The following SPTLC3 variants were observed in gnomAD, a reference collection of about 807,000 sequenced individuals.
The protein encoded by SPTLC3 is serine palmitoyltransferase long chain base subunit 3.
A neutral mutation model predicts 59.3 loss-of-function variants in SPTLC3; 36 were observed. That is an observed-to-expected ratio of 0.61 (90% CI 0.47 to 0.80). SPTLC3 has a LOEUF of 0.80. SPTLC3 is among the 30% of genes least tolerant of loss of function. SPTLC3 has a pLI of 0.00. For synonymous variants in SPTLC3, 257 were observed against 240.8 expected (o/e 1.07, Z -0.62); for missense variants, 625 against 685.1 (o/e 0.91, Z 0.98).
At chr20:13,093,655 C>T in intron 6 of SPTLC3, 78 bp downstream of exon 6, 1 of 1,351,928 alleles carries the variant, frequency 7.4e-7, no homozygotes, top group East Asian at 2.3e-5. Context: ...AGGCTTTGTT[C>T]TGCTCTTCAA....
intron 10 of SPTLC3, among the ~76,000 whole-genome samples, chr20:13,158,495 T>C (rs373738049): frequency 1.3e-4 from 20 of 152,248 alleles, no homozygotes; most frequent in African/African-American, 4.8e-4. Context: ...TCCTGAAAAC[T>C]GGCCTGAGAT....
intron 2 of SPTLC3, among the ~76,000 whole-genome samples, chr20:13,055,996 G>A (rs2122519363): frequency 6.6e-6 from 1 of 152,234 alleles, no homozygotes; most frequent in South Asian, 2.1e-4. Flanking sequence ...CAGGGATCTT[G>A]GTGGAGGAAG....
chr20:13,127,474 C>A (rs955661545), intron 9 of SPTLC3, among the ~76,000 whole-genome samples: 1 of 152,222 alleles, frequency 6.6e-6, no homozygotes, highest in Admixed American at 6.5e-5. Context: ...CACCTCCCAG[C>A]TGACCTGAAG....
intron 1 of SPTLC3, among the ~76,000 whole-genome samples, chr20:13,032,885 C>A (rs920986821): frequency 5.3e-5 from 8 of 152,096 alleles, no homozygotes; most frequent in African/African-American, 1.9e-4. Flanking sequence ...TATGAACTGA[C>A]CTGATTAATC....
intron 4 of SPTLC3, among the ~76,000 whole-genome samples, chr20:13,090,375 A>G: frequency 6.6e-6 from 1 of 152,206 alleles, no homozygotes; most frequent in Non-Finnish European, 1.5e-5. Flanking sequence ...TATCTAGTAC[A>G]TTCCAAAGGT....
At position 13,074,422 on chromosome 20, in the gene SPTLC3, G is replaced by C. The variant is rs2122575754; in HGVS notation, c.532G>C (p.Asp178His). 6.2e-7 allele frequency: 1 copy of C among 1,614,114 alleles called. No individual in the cohort carries two copies. The highest frequency in any genetic ancestry group is 1.6e-4 in the Middle Eastern group (1 of 6,062). Residue 178 changes from aspartate to histidine, a missense_variant, in exon 4 of 12, where the codon GAT becomes CAT. Physicochemically the swap from Asp to His is moderately conservative, Grantham distance 81. Transcript: ENST00000399002. The part of the protein sequence containing the change: ...YNFLGLAAKY[D>H]ESMRTIKDVL... ...CTTCCTTGGTCTTGCAGCCAAGTAT[G>C]ATGAGTCTATGAGGACAATAAAGGA...
intron 1 of SPTLC3, among the ~76,000 whole-genome samples, chr20:13,017,764 T>C (rs1370051780): frequency 1.3e-5 from 2 of 152,340 alleles, no homozygotes; most frequent in East Asian, 3.9e-4. Flanking sequence ...ACAAATTCTT[T>C]GGAGTATTTC....
intron 1 of SPTLC3, among the ~76,000 whole-genome samples, chr20:13,042,497 C>A (rs1987031924): frequency 6.6e-6 from 1 of 152,154 alleles, no homozygotes; most frequent in South Asian, 2.1e-4. Context: ...TCTCAGCATG[C>A]CATGTCTGAT....
At chr20:13,091,048 G>A in intron 4 of SPTLC3, 35 bp from the exon 5 acceptor site, 2 of 1,610,074 alleles carry the variant, frequency 1.2e-6, no homozygotes, top group Non-Finnish European at 1.7e-6. Context: ...TTGTTGAAAA[G>A]AGAAGGCTCA....
intron 6 of SPTLC3, among the ~76,000 whole-genome samples, chr20:13,096,956 A>C (rs892600447): frequency 2.0e-5 from 3 of 152,132 alleles, no homozygotes; most frequent in Non-Finnish European, 4.4e-5. Flanking sequence ...TTTCTATTCC[A>C]AAAATGAGGA....
In SPTLC3 at chr20:13,047,845, G is replaced by T. The variant is rs1016060353; in HGVS notation, c.118-1100G>T. ...ATATACTCTCCATCCAGATTCAAGA[G>T]TTAACGTTTCTCAAAGTTGCTTTAT... On this transcript the variant is annotated intron_variant, in intron 1 of 11. Coordinates refer to ENST00000399002, the MANE Select transcript of SPTLC3 (RefSeq NM_018327.4). Among the ~76,000 whole-genome samples, 5 of 152,222 alleles carry T rather than the reference G, an allele frequency of 3.3e-5. No homozygotes were observed. The East Asian group carries it at 9.6e-4, about 29-fold the overall frequency.
chr20:13,095,424 C>A (rs892828152), intron 6 of SPTLC3, among the ~76,000 whole-genome samples: 1 of 152,070 alleles, frequency 6.6e-6, no homozygotes, highest in Non-Finnish European at 1.5e-5. Context: ...TAGGGAACAT[C>A]CATAAAAGAT....
At chr20:13,114,090 G>T (rs897836216) in intron 7 of SPTLC3, among the ~76,000 whole-genome samples, 1 of 152,206 alleles carries the variant, frequency 6.6e-6, no homozygotes, top group Non-Finnish European at 1.5e-5. Context: ...AATGTAAATA[G>T]AAGAGTCAGC....
At position 13,112,155 on chromosome 20, in the gene SPTLC3, C is replaced by A. The variant is rs188014683; in HGVS notation, c.932+1938C>A. 1.7e-3 allele frequency among the ~76,000 whole-genome samples: 260 copies of A among 152,342 alleles called. 1 individual carries two copies. The highest frequency in any genetic ancestry group is 5.9e-3 in the African/African-American group (247 of 41,592). ...CGCTACCGTGGGTTGTGTGGACCAA[C>A]TGGGCAGTTCTTCTACTCCACATGG... On this transcript the variant is annotated intron_variant, in intron 7 of 11. Coordinates refer to ENST00000399002, the MANE Select transcript of SPTLC3 (RefSeq NM_018327.4).
chr20:13,080,191 G>A (rs1210304876), intron 4 of SPTLC3, among the ~76,000 whole-genome samples: 2 of 152,116 alleles, frequency 1.3e-5, no homozygotes, highest in South Asian at 2.1e-4. Context: ...TAAGAAATAG[G>A]ATACGTTTTT....
chr20:13,024,509 T>A (rs1986053059), intron 1 of SPTLC3, among the ~76,000 whole-genome samples: 1 of 152,162 alleles, frequency 6.6e-6, no homozygotes, highest in Non-Finnish European at 1.5e-5. Flanking sequence ...CTTCAATATT[T>A]TTCTATAGTT....
intron 9 of SPTLC3, among the ~76,000 whole-genome samples, chr20:13,146,093 C>T (rs1391392663): frequency 6.6e-6 from 1 of 152,148 alleles, no homozygotes; most frequent in Non-Finnish European, 1.5e-5. Context: ...TACTATGCAG[C>T]CATAAGAAAG....
intron 6 of SPTLC3, among the ~76,000 whole-genome samples, chr20:13,093,861 T>C (rs889205787): frequency 2.0e-5 from 3 of 152,214 alleles, no homozygotes; most frequent in Admixed American, 1.3e-4. Context: ...AGGACTGCCA[T>C]TTAATTATCA....
Position 13,038,166 on chromosome 20 carries a change from T to G in SPTLC3, c.118-10779T>G, listed in dbSNP as rs566917992. ...GTAGTTTTCTTTATCTGTGATGTCT[T>G]TGTATAATTTTGATCACCAAGGTAA... On this transcript the variant is annotated intron_variant, in intron 1 of 11. Transcript: ENST00000399002. Among the ~76,000 whole-genome samples, 40 of 152,160 alleles carry G rather than the reference T, an allele frequency of 2.6e-4. No homozygotes were observed. In the East Asian group the frequency reaches 7.5e-3, roughly 29 times the overall value.
Sources: allele counts gnomAD v4.1 joint callset (sites outside exome capture counted in the v4.1 genomes callset), GRCh38; gene constraint gnomAD v4.1.1; transcripts MANE v1.5; gene names NCBI Gene and HGNC (gene_info 2026-07-23, HGNC 2026-07-21).